Variants in CCN4 observed in about 807,000 individuals in gnomAD.
The protein encoded by CCN4 is CCN family member 4.
CCN4 carries 30 observed loss-of-function variants against 36.7 expected under a neutral mutation model. That is an observed-to-expected ratio of 0.82 (90% CI 0.61 to 1.11). CCN4 has a LOEUF of 1.11. CCN4 is among the 50% of genes least tolerant of loss of function. The pLI is 0.00. For synonymous variants in CCN4, 191 were observed against 195.4 expected (o/e 0.98, Z 0.19); for missense variants, 505 against 504.9 (o/e 1.00, Z 0.00).
chr8:133,211,083 T>C (rs1854009318), intron 1 of CCN4, among the ~76,000 whole-genome samples: 1 of 152,214 alleles, frequency 6.6e-6, no homozygotes, highest in Admixed American at 6.5e-5. Flanking sequence ...CAGAGCCTAG[T>C]CAGACTAATT....
intron 1 of CCN4, among the ~76,000 whole-genome samples, chr8:133,210,570 C>T (rs1853980792): frequency 6.6e-6 from 1 of 152,190 alleles, no homozygotes; most frequent in African/African-American, 2.4e-5. Flanking sequence ...CAAGGCCTTC[C>T]AAGGCCACAT....
intron 1 of CCN4, among the ~76,000 whole-genome samples, chr8:133,206,307 A>G (rs1232569374): frequency 1.3e-5 from 2 of 152,168 alleles, no homozygotes; most frequent in African/African-American, 2.4e-5. Context: ...ACCTGGGTGC[A>G]CTGAGGAGGT....
rs1854693300 is a variant in CCN4 at position 133,225,446 on chromosome 8, T to C, written c.667T>C (p.Trp223Arg). 6.2e-7 allele frequency: 1 copy of C among 1,614,036 alleles called. No homozygotes were observed. The highest frequency in any genetic ancestry group is 8.5e-7 in the Non-Finnish European group (1 of 1,179,954). The change falls in exon 4 of 5, where the codon TGG becomes CGG. Residue 223 changes from tryptophan to arginine, a missense_variant. By Grantham distance (101) the Trp-to-Arg change is moderately radical. Coordinates refer to ENST00000250160, the MANE Select transcript of CCN4 (RefSeq NM_003882.4). ...GAACTGCATAGCCTACACAAGCCCCTGGAGCCCTTGCTCCACCAGCTGCGG... is the reference window on the plus strand; with the variant it reads ...GAACTGCATAGCCTACACAAGCCCCCGGAGCCCTTGCTCCACCAGCTGCGG... ...HRNCIAYTSP[W>R]SPCSTSCGLG...
At chr8:133,207,180 A>T (rs565231169) in intron 1 of CCN4, among the ~76,000 whole-genome samples, 3 of 152,358 alleles carry the variant, frequency 2.0e-5, no homozygotes, top group Non-Finnish European at 4.4e-5. Flanking sequence ...TCTGGCCATG[A>T]GGCCCCTCCC....
intron 3 of CCN4, among the ~76,000 whole-genome samples, chr8:133,221,812 G>A (rs1854540320): frequency 6.6e-6 from 1 of 151,826 alleles, no homozygotes; most frequent in Non-Finnish European, 1.5e-5. Flanking sequence ...TTGATAAATG[G>A]ACAGATGGAT....
chr8:133,196,432 A>AATC (rs1370873701), intron 1 of CCN4, among the ~76,000 whole-genome samples: 2 of 152,224 alleles, frequency 1.3e-5, no homozygotes, highest in Non-Finnish European at 2.9e-5. Context: ...GGTTAAACAC[A>AATC]ATCTATTATT....
intron 3 of CCN4, 58 bp downstream of exon 3, chr8:133,220,899 C>G (rs1854503732): frequency 1.3e-6 from 2 of 1,538,664 alleles, no homozygotes; most frequent in Admixed American, 1.9e-5. Flanking sequence ...TGTGGACCCT[C>G]CTGGAACTCT....
chr8:133,225,473 C>G lies in CCN4; in HGVS notation c.694C>G (p.Leu232Val), dbSNP rs746713544. ...GAGCCCTTGCTCCACCAGCTGCGGC[C>G]TGGGGGTCTCCACTCGGATCTCCAA... ...PWSPCSTSCG[L>V]GVSTRISNVN... Residue 232 changes from leucine to valine, a missense_variant, in exon 4 of 5, where the codon CTG becomes GTG. Physicochemically the swap from Leu to Val is conservative, Grantham distance 32 (BLOSUM62 1). Transcript: ENST00000250160. The G allele has an allele frequency of 1.9e-6, 3 of 1,614,098 alleles. No homozygotes were observed. The South Asian group carries it at 3.3e-5, about 18-fold the overall frequency.
intron 1 of CCN4, among the ~76,000 whole-genome samples, chr8:133,202,469 A>C (rs1315419080): frequency 6.6e-6 from 1 of 152,214 alleles, no homozygotes; most frequent in Admixed American, 6.5e-5. Context: ...GAGTGAATGC[A>C]TGAGTGAACA....
intron 1 of CCN4, among the ~76,000 whole-genome samples, chr8:133,210,641 GTGTC>G (rs1218299333): frequency 6.6e-6 from 1 of 152,108 alleles, no homozygotes; most frequent in Non-Finnish European, 1.5e-5. Context: ...GGCCATTCTG[GTGTC>G]TGTCTGGGCC....
chr8:133,217,960 A>ACACACACACACACT (rs1204772421), intron 2 of CCN4, among the ~76,000 whole-genome samples: 1 of 150,954 alleles, frequency 6.6e-6, no homozygotes, highest in African/African-American at 2.4e-5. Context: ...ACACACACAC[A>ACACACACACACACT]CTCTTCCTGG....
chr8:133,211,448 A>C (rs529423018), intron 1 of CCN4, among the ~76,000 whole-genome samples: 12 of 152,344 alleles, frequency 7.9e-5, no homozygotes, highest in African/African-American at 2.6e-4. Flanking sequence ...TGTTGTAATG[A>C]GAGTTAGGAG....
rs184580529 is a variant in CCN4 at position 133,228,186 on chromosome 8, C to T, written c.*476C>T. The T allele has an allele frequency of 4.1e-3, 631 of 154,784 alleles. 5 individuals carry two copies. The highest frequency in any genetic ancestry group is 5.8e-3 in the Non-Finnish European group (406 of 69,778). The allele number at this position is 154,784 out of a possible 1,614,324, so 9.6% of individuals were successfully genotyped here. On this transcript the variant is annotated 3_prime_UTR_variant, in exon 5 of 5. Coordinates refer to ENST00000250160, the MANE Select transcript of CCN4 (RefSeq NM_003882.4). ...CTGTAATGGGTAATTCTGACGTCAG[C>T]GCACCAAAACTATCCTGATTCCAAA...
intron 2 of CCN4, among the ~76,000 whole-genome samples, chr8:133,213,853 A>G (rs1854165191): frequency 7.0e-6 from 1 of 143,680 alleles, no homozygotes; most frequent in African/African-American, 2.5e-5. Context: ...TATACACTAT[A>G]TATAGTAGTT....
chr8:133,196,268 C>T (rs1853379466), intron 1 of CCN4, among the ~76,000 whole-genome samples: 1 of 152,182 alleles, frequency 6.6e-6, no homozygotes, highest in Admixed American at 6.5e-5. Context: ...GGCCACTCAG[C>T]ACTTGAAATG....
chr8:133,228,943 G>C lies in CCN4; in HGVS notation c.*1233G>C, dbSNP rs1004315041. The stretch of plus-strand genomic sequence containing the variant: ...TTAATAAAGGTTTAAAGCTGAAGAG[G>C]TTGAAGCTAAAAGGAAAAGGTTGTT... On this transcript the variant is annotated 3_prime_UTR_variant, in exon 5 of 5. Transcript: ENST00000250160. The C allele has an allele frequency of 1.3e-5, 2 of 152,162 alleles. No homozygotes were observed. The highest frequency in any genetic ancestry group is 2.9e-5 in the Non-Finnish European group (2 of 68,022). 9.4% of individuals were successfully genotyped at this position (152,162 alleles called of 1,614,324 possible).
chr8:133,225,424 C>G lies in CCN4; in HGVS notation c.645C>G (p.Asn215Lys), dbSNP rs776110779. 72 of 1,611,658 alleles carry G rather than the reference C, an allele frequency of 4.5e-5. No homozygotes were observed. Among genetic ancestry groups the G allele is most frequent in the Non-Finnish European group, 4.7e-5 (55 of 1,178,768 alleles). The part of the protein sequence containing the change: ...AVGEVEAWHR[N>K]CIAYTSPWSP... Reference sequence around the variant, plus strand: ...GTGAGGTGGAGGCATGGCACAGGAACTGCATAGCCTACACAAGCCCCTGGA... The same window carrying G: ...GTGAGGTGGAGGCATGGCACAGGAAGTGCATAGCCTACACAAGCCCCTGGA... The change falls in exon 4 of 5, where the codon AAC becomes AAG. Residue 215 changes from asparagine (N) to lysine (K), a missense_variant. Transcript: ENST00000250160.
rs773250312 is a variant in CCN4 at position 133,227,520 on chromosome 8, T to C, written c.914T>C (p.Met305Thr). 6.2e-7 allele frequency: 1 copy of C among 1,614,108 alleles called. No individual in the cohort carries two copies. The highest frequency in any genetic ancestry group is 1.6e-4 in the Middle Eastern group (1 of 6,084). The change falls in exon 5 of 5, where the codon ATG becomes ACG. Residue 305 changes from methionine (M) to threonine (T), a missense_variant. Transcript: ENST00000250160. ...CAACCCAAGTACTGTGGAGTTTGCA[T>C]GGACAATAGGTGCTGCATCCCCTAC... ...SYQPKYCGVC[M>T]DNRCCIPYKS...
chr8:133,214,082 TAG>T (rs369726219), intron 2 of CCN4, among the ~76,000 whole-genome samples: 1 of 127,426 alleles, frequency 7.8e-6, no homozygotes, highest in South Asian at 2.4e-4. Flanking sequence ...CTATATATAG[TAG>T]TTATATAAAC....
Sources: allele counts gnomAD v4.1 joint callset (sites outside exome capture counted in the v4.1 genomes callset), GRCh38; gene constraint gnomAD v4.1.1; transcripts MANE v1.5; gene names NCBI Gene and HGNC (gene_info 2026-07-23, HGNC 2026-07-21).